The following HELLS variants were observed in gnomAD, a reference collection of about 807,000 sequenced individuals.
The protein encoded by HELLS is helicase, lymphoid specific.
HELLS carries 32 observed loss-of-function variants against 120.0 expected under a neutral mutation model. The ratio of observed to expected loss-of-function variants is 0.27; its 90% CI spans 0.20 to 0.36. The LOEUF (loss-of-function observed/expected upper bound fraction) is 0.36, where lower values mean the gene tolerates loss of function less well. Ranked by LOEUF, HELLS falls within the 10% of genes least tolerant of loss-of-function variation. The probability of loss-of-function intolerance (pLI) is 1.00; values close to 1 mark genes in which losing one functional copy is unlikely to be tolerated. For synonymous variants in HELLS, 341 were observed against 323.4 expected (o/e 1.05, Z -0.58); for missense variants, 650 against 993.4 (o/e 0.65, Z 4.65).
intron 9 of HELLS, 122 bp downstream of exon 9, chr10:94,574,858 G>A (rs753104384): frequency 1.8e-4 from 140 of 768,452 alleles, no homozygotes; most frequent in Non-Finnish European, 2.6e-4. Flanking sequence ...TATTTTGTCT[G>A]ATTTGACTTA....
At chr10:94,581,623 C>A in intron 11 of HELLS, 101 bp downstream of exon 11, 2 of 804,398 alleles carry the variant, frequency 2.5e-6, no homozygotes, top group Non-Finnish European at 3.9e-6. Context: ...AAATATTTGG[C>A]AAGTTCTTTG....
At chr10:94,584,648 C>G (rs1164451158) in intron 12 of HELLS, among the ~76,000 whole-genome samples, 1 of 152,110 alleles carries the variant, frequency 6.6e-6, no homozygotes, top group African/African-American at 2.4e-5. Context: ...CGTTACCTCA[C>G]AGTGTATACA....
At chr10:94,572,316 C>T (rs533069425) in intron 7 of HELLS, among the ~76,000 whole-genome samples, 341 of 152,212 alleles carry the variant, frequency 2.2e-3, no homozygotes, top group Non-Finnish European at 2.6e-3. Context: ...TAATGAATTT[C>T]GACACTTGCA....
chr10:94,589,474 T>C (rs1168212309), intron 13 of HELLS, among the ~76,000 whole-genome samples: 1 of 152,170 alleles, frequency 6.6e-6, no homozygotes, highest in Non-Finnish European at 1.5e-5. Flanking sequence ...AGATTAATAA[T>C]CAATTTGATG....
chr10:94,559,868 G>A (rs1843464794), intron 4 of HELLS, among the ~76,000 whole-genome samples: 1 of 152,126 alleles, frequency 6.6e-6, no homozygotes, highest in Non-Finnish European at 1.5e-5. Context: ...AGAGACCCAA[G>A]CTTGTATTTT....
At chr10:94,569,001 T>A (rs1354224891) in intron 6 of HELLS, among the ~76,000 whole-genome samples, 1 of 151,432 alleles carries the variant, frequency 6.6e-6, no homozygotes, top group Non-Finnish European at 1.5e-5. Flanking sequence ...GCCATCATGC[T>A]CGGCTAATTT....
chr10:94,588,199 C>T (rs754260965), intron 12 of HELLS, 30 bp from the exon 13 acceptor site: 57 of 1,360,288 alleles, frequency 4.2e-5, no homozygotes, highest in Non-Finnish European at 5.7e-5. Flanking sequence ...GTTTAATACT[C>T]ATATTTTTCT....
rs1392500723 is a variant in HELLS at position 94,573,883 on chromosome 10, A to T, written c.478-77A>T. Reference sequence around the variant, plus strand: ...ATTATAGGACTCAGTAGATTTTGTTAGTTGCATTTTCTGATAAATGGTGGC... The same window carrying T: ...ATTATAGGACTCAGTAGATTTTGTTTGTTGCATTTTCTGATAAATGGTGGC... On this transcript the variant is annotated intron_variant, in intron 7 of 21. Coordinates refer to ENST00000348459, the MANE Select transcript of HELLS (RefSeq NM_018063.5). 1.3e-4 allele frequency: 99 copies of T among 772,234 alleles called. 1 individual carries two copies. In the South Asian group the frequency reaches 1.5e-3, roughly 12 times the overall value. 47.8% of individuals were successfully genotyped at this position (772,234 alleles called of 1,614,324 possible). A position where few individuals can be genotyped will look rare whatever the true frequency, so the allele number is the denominator to read the frequency against.
At chr10:94,596,329 C>T (rs1197685555) in intron 19 of HELLS, among the ~76,000 whole-genome samples, 2 of 152,104 alleles carry the variant, frequency 1.3e-5, no homozygotes, top group Non-Finnish European at 2.9e-5. Context: ...AAGAAATTTT[C>T]TTTGTTCACC....
intron 7 of HELLS, among the ~76,000 whole-genome samples, chr10:94,573,001 C>T (rs1315492482): frequency 4.6e-5 from 7 of 151,996 alleles, no homozygotes; most frequent in Non-Finnish European, 7.4e-5. Context: ...ACTCTGTCGC[C>T]CAGGCTGGAG....
chr10:94,609,935 T>C (rs1279934925), exon 10 of HELLS: 1 of 152,194 alleles, frequency 6.6e-6, no homozygotes, highest in Non-Finnish European at 1.5e-5. Context: ...GGGGACAAGA[T>C]TGGAAAATTG....
chr10:94,566,475 A>T (rs1843803941), intron 6 of HELLS, among the ~76,000 whole-genome samples: 1 of 152,134 alleles, frequency 6.6e-6, no homozygotes. Flanking sequence ...ATAAGTGAAA[A>T]GAGTGATGAA....
chr10:94,556,701 T>C (rs371984755), intron 3 of HELLS, among the ~76,000 whole-genome samples: 7 of 152,210 alleles, frequency 4.6e-5, no homozygotes, highest in Admixed American at 1.3e-4. Flanking sequence ...GATGGGTTCT[T>C]TTAGCTTTCA....
intron 2 of HELLS, among the ~76,000 whole-genome samples, chr10:94,549,197 A>G (rs12219906): frequency 0.37 from 56,062 of 151,980 alleles, 10,909 homozygotes; most frequent in East Asian, 0.68. Flanking sequence ...GTCTCTACCT[A>G]CTTGAGATTA....
Position 94,577,497 on chromosome 10 carries a change from G to A in HELLS, c.1032+692G>A, listed in dbSNP as rs183297159. ...AATCAAAACACATAAGTCATAAATAGAATAATTATGACTTGCATAATTATG... is the reference window on the plus strand; with the variant it reads ...AATCAAAACACATAAGTCATAAATAAAATAATTATGACTTGCATAATTATG... On this transcript the variant is annotated intron_variant, in intron 10 of 21. Coordinates refer to ENST00000348459, the MANE Select transcript of HELLS (RefSeq NM_018063.5). 236 of 155,414 alleles carry A rather than the reference G, an allele frequency of 1.5e-3. 1 individual carries two copies. The highest frequency in any genetic ancestry group is 2.7e-3 in the Non-Finnish European group (187 of 70,110). The allele number at this position is 155,414 out of a possible 1,614,324, so 9.6% of individuals were successfully genotyped here. A position where few individuals can be genotyped will look rare whatever the true frequency, so the allele number is the denominator to read the frequency against.
At chr10:94,580,154 TATATATATACACACAC>T (rs1844779925) in intron 10 of HELLS, among the ~76,000 whole-genome samples, 3 of 48,130 alleles carry the variant, frequency 6.2e-5, no homozygotes, top group African/African-American at 3.8e-4. Flanking sequence ...TATATATATA[TATATATATACACACAC>T]ACACACACAC....
chr10:94,567,228 T>A (rs1427693940), intron 6 of HELLS, among the ~76,000 whole-genome samples: 1 of 152,138 alleles, frequency 6.6e-6, no homozygotes, highest in Admixed American at 6.5e-5. Flanking sequence ...ATAGATACAT[T>A]GTGTTTTCCT....
At position 94,576,670 on chromosome 10, in the gene HELLS, A is replaced by G; in HGVS notation, c.897A>G (p.Thr299=). 7.6e-6 allele frequency: 12 copies of G among 1,587,624 alleles called. No homozygotes were observed. The highest frequency in any genetic ancestry group is 2.3e-5 in the South Asian group (2 of 87,940). The change falls in exon 10 of 22, where the codon ACA becomes ACG. Residue 299 remains threonine (T), a synonymous_variant. Coordinates refer to ENST00000348459, the MANE Select transcript of HELLS (RefSeq NM_018063.5). ...EFKRFTPDIP[T]MLYHGTQEER... ...AATATAAAATTTTTCAGATCCCTAC[A>G]ATGTTATATCATGGAACCCAGGAGG...
chr10:94,591,413 A>G (rs1289255205), intron 15 of HELLS, among the ~76,000 whole-genome samples: 1 of 152,230 alleles, frequency 6.6e-6, no homozygotes, highest in Non-Finnish European at 1.5e-5. Flanking sequence ...ATAGAATGAT[A>G]GCATAATATC....
Sources: gnomAD v4.1 joint callset for allele counts (sites outside exome capture counted in the v4.1 genomes callset) on GRCh38, gnomAD v4.1.1 for gene constraint, MANE v1.5 for transcripts, NCBI Gene and HGNC (gene_info 2026-07-23, HGNC 2026-07-21) for gene names.